Variants in DENND10 observed in about 807,000 individuals in gnomAD.
DENND10 encodes the protein DENN domain-containing protein 10.
In DENND10, 24 loss-of-function variants were observed where a neutral mutation model predicts 43.6. The ratio of observed to expected loss-of-function variants is 0.55; its 90% CI spans 0.40 to 0.77. DENND10 has a LOEUF of 0.77. Among genes scored for constraint, DENND10 ranks in the 30% least tolerant of loss-of-function variants. DENND10 has a pLI of 0.00. For missense variants in DENND10, 303 were observed against 429.9 expected, an observed-to-expected ratio of 0.70 and a Z score of 2.61; for synonymous variants, 125 against 157.6, an observed-to-expected ratio of 0.79 and a Z score of 1.55.
At chr10:119,111,763 T>C (rs565843164) in intron 2 of DENND10, 86 bp from the exon 3 acceptor site, 8 of 1,054,122 alleles carry the variant, frequency 7.6e-6, no homozygotes, top group Non-Finnish European at 1.2e-5. Flanking sequence ...TTGTGTCTTA[T>C]ACAAAAGGTT....
At chr10:119,110,350 T>C (rs1844920152) in intron 2 of DENND10, among the ~76,000 whole-genome samples, 1 of 152,120 alleles carries the variant, frequency 6.6e-6, no homozygotes, top group Admixed American at 6.6e-5. Context: ...TTTAAATGTA[T>C]CTCTTCAAAG....
chr10:119,117,434 A>C, intron 3 of DENND10, 85 bp from the exon 4 acceptor site: 2 of 1,405,702 alleles, frequency 1.4e-6, no homozygotes, highest in Non-Finnish European at 1.9e-6. Flanking sequence ...GATTCTTGAG[A>C]AGGCACCCAT....
At chr10:119,123,698 C>T (rs1845696492) in intron 6 of DENND10, 129 bp downstream of exon 6, 2 of 698,506 alleles carry the variant, frequency 2.9e-6, no homozygotes, top group African/African-American at 3.6e-5. Flanking sequence ...CAACGTCCGC[C>T]TTCAATTCTC....
intron 3 of DENND10, among the ~76,000 whole-genome samples, chr10:119,115,791 TC>T (rs1845237930): frequency 1.4e-5 from 2 of 146,364 alleles, no homozygotes; most frequent in East Asian, 2.1e-4. Flanking sequence ...TGAGACGGAA[TC>T]TCGCTCTGTT....
chr10:119,123,308 A>C (rs1371497149), intron 5 of DENND10, among the ~76,000 whole-genome samples, 161 bp from the exon 6 acceptor site: 1 of 152,206 alleles, frequency 6.6e-6, no homozygotes, highest in Non-Finnish European at 1.5e-5. Flanking sequence ...TTTAATTTGA[A>C]GCCCAGAGGT....
chr10:119,120,343 A>G lies in DENND10; in HGVS notation c.484A>G (p.Ile162Val), dbSNP rs764505405. ...ATTACAATTTCTCTTTTTTGAAGAC[A>G]TTGTATCTCAGTTTGGAATGGAAAC... ...KAYLAGSIKD[I>V]VSQFGMETVI... The change falls in exon 5 of 9, where the codon ATT (isoleucine) becomes GTT (valine). Residue 162 changes from isoleucine to valine, a missense_variant and splice_region_variant. Transcript: ENST00000361432. The G allele has an allele frequency of 2.1e-5, 33 of 1,580,440 alleles. No homozygotes were observed. Among genetic ancestry groups the G allele is most frequent in the Non-Finnish European group, 2.7e-5 (31 of 1,149,764 alleles).
At position 119,137,667 on chromosome 10, in the gene DENND10, T is replaced by G. The variant is rs10886401; in HGVS notation, c.*1020T>G. The G allele has an allele frequency of 1.2e-5, 2 of 164,468 alleles. No individual in the cohort carries two copies. Among genetic ancestry groups the G allele is most frequent in the Non-Finnish European group, 3.0e-5 (2 of 67,614 alleles). The allele number at this position is 164,468 out of a possible 1,614,324, so 10.2% of individuals were successfully genotyped here. Reference sequence around the variant, plus strand: ...TAAAGGATTATTTTTCACTCAGTACTGATGTCCTTGGAAATCTTACCTGGA... The same window carrying G: ...TAAAGGATTATTTTTCACTCAGTACGGATGTCCTTGGAAATCTTACCTGGA... On this transcript the variant is annotated 3_prime_UTR_variant, in exon 9 of 9. Transcript: ENST00000361432.
At chr10:119,125,170 C>G (rs949703919) in intron 6 of DENND10, among the ~76,000 whole-genome samples, 2 of 151,912 alleles carry the variant, frequency 1.3e-5, no homozygotes, top group African/African-American at 4.8e-5. Context: ...CAGGGTTTCT[C>G]CACGTTGGCC....
chr10:119,127,732 C>A (rs917200799), intron 6 of DENND10, among the ~76,000 whole-genome samples: 6 of 152,058 alleles, frequency 3.9e-5, no homozygotes, highest in Non-Finnish European at 7.4e-5. Flanking sequence ...AAGCAATCCA[C>A]CCGCCTCAGC....
intron 7 of DENND10, among the ~76,000 whole-genome samples, chr10:119,130,661 T>C (rs915182202): frequency 1.2e-4 from 19 of 152,190 alleles, no homozygotes; most frequent in African/African-American, 4.6e-4. Flanking sequence ...GTAGTTTGGC[T>C]CAGGAAGTTT....
chr10:119,135,806 A>AAAAAAC (rs1846317916), intron 8 of DENND10, among the ~76,000 whole-genome samples: 1 of 150,172 alleles, frequency 6.7e-6, no homozygotes, highest in East Asian at 1.9e-4. Flanking sequence ...AAAAAAAAAA[A>AAAAAAC]AAAAAAAAAA....
At chr10:119,124,237 T>C (rs1221484247) in intron 6 of DENND10, among the ~76,000 whole-genome samples, 1 of 144,226 alleles carries the variant, frequency 6.9e-6, no homozygotes, top group Non-Finnish European at 1.5e-5. Context: ...AGGATTTACC[T>C]TTTTTTGGCC....
At chr10:119,122,546 C>T (rs1156980055) in intron 5 of DENND10, among the ~76,000 whole-genome samples, 2 of 152,122 alleles carry the variant, frequency 1.3e-5, no homozygotes, top group Non-Finnish European at 2.9e-5. Flanking sequence ...TCCAAAAGCC[C>T]ATATTTTCTA....
At chr10:119,122,600 G>C (rs368090719) in intron 5 of DENND10, among the ~76,000 whole-genome samples, 14 of 152,216 alleles carry the variant, frequency 9.2e-5, no homozygotes, top group African/African-American at 3.1e-4. Flanking sequence ...TTAAACTGGA[G>C]CGGTCACAGC....
intron 7 of DENND10, among the ~76,000 whole-genome samples, chr10:119,130,676 C>A (rs80029953): frequency 6.6e-6 from 1 of 152,278 alleles, no homozygotes; most frequent in Non-Finnish European, 1.5e-5. Flanking sequence ...AAGTTTCAGT[C>A]ACGATATCCC....
chr10:119,125,642 G>C (rs1845796645), intron 6 of DENND10, among the ~76,000 whole-genome samples: 1 of 151,352 alleles, frequency 6.6e-6, no homozygotes, highest in Non-Finnish European at 1.5e-5. Flanking sequence ...TGAGTAGCTG[G>C]GATTACAGGT....
intron 4 of DENND10, among the ~76,000 whole-genome samples, chr10:119,118,925 C>A (rs1284404422): frequency 6.7e-6 from 1 of 149,884 alleles, no homozygotes; most frequent in Non-Finnish European, 1.5e-5. Flanking sequence ...CTCACTGCAA[C>A]CTTTGCCTCC....
intron 4 of DENND10, among the ~76,000 whole-genome samples, chr10:119,119,562 C>T (rs1845461874): frequency 6.6e-6 from 1 of 151,982 alleles, no homozygotes; most frequent in Non-Finnish European, 1.5e-5. Flanking sequence ...CAGTGTGAGA[C>T]ACTGTGCCCA....
intron 6 of DENND10, among the ~76,000 whole-genome samples, chr10:119,127,533 C>T (rs961918137): frequency 6.6e-6 from 1 of 152,082 alleles, no homozygotes; most frequent in Admixed American, 6.6e-5. Flanking sequence ...GGCTGGAGTG[C>T]AGTGGCGTGA....
Sources: gnomAD v4.1 joint callset for allele counts (sites outside exome capture counted in the v4.1 genomes callset) on GRCh38, gnomAD v4.1.1 for gene constraint, MANE v1.5 for transcripts, NCBI Gene and HGNC (gene_info 2026-07-23, HGNC 2026-07-21) for gene names.